MYOZ3: variants seen among roughly 807,000 people sequenced by gnomAD.
MYOZ3 encodes the protein myozenin 3, also known as myozenin-3.
Under a neutral mutation model 26.5 loss-of-function variants are expected in MYOZ3, and 19 were observed. That is an observed-to-expected ratio of 0.72 (90% CI 0.50 to 1.05). The LOEUF (loss-of-function observed/expected upper bound fraction) is 1.05. Ranked by LOEUF, MYOZ3 falls within the 50% of genes least tolerant of loss-of-function variation. The pLI is 0.00. For synonymous variants in MYOZ3, 135 were observed against 138.8 expected, an observed-to-expected ratio of 0.97 and a Z score of 0.19; for missense variants, 322 against 337.1, an observed-to-expected ratio of 0.96 and a Z score of 0.35.
At chr5:150,673,129 C>T (rs914312799) in intron 6 of MYOZ3, 1 of 152,296 alleles carries the variant, frequency 6.6e-6, no homozygotes, top group Non-Finnish European at 1.5e-5. Flanking sequence ...AGCGTGAGGC[C>T]TCCACGTGGA....
chr5:150,674,926 C>G (rs762362172), intron 6 of MYOZ3, among the ~76,000 whole-genome samples: 4 of 152,182 alleles, frequency 2.6e-5, no homozygotes, highest in Non-Finnish European at 5.9e-5. Flanking sequence ...GGGAGAATCG[C>G]TTGAACCTGG....
rs778955465 is a variant in MYOZ3, at chr5:150,671,806, A to T, written c.322A>T (p.Ile108Phe). 6.2e-7 allele frequency: 1 copy of T among 1,612,762 alleles called. No homozygotes were observed. The highest frequency in any genetic ancestry group is 1.1e-5 in the South Asian group (1 of 91,078). ...EGPNYRSELH[I>F]FPASPGASLG... The stretch of plus-strand genomic sequence containing the variant: ...GCCGAACTACCGCTCGGAGCTCCAC[A>T]TCTTCCCGGCCTCACCCGGGGCCTC... The change falls in exon 5 of 7, where the codon ATC (isoleucine) becomes TTC (phenylalanine). Residue 108 changes from isoleucine (I) to phenylalanine (F), a missense_variant. Ile to Phe is a conservative substitution (Grantham distance 21, BLOSUM62 0). Coordinates refer to ENST00000517768, the MANE Select transcript of MYOZ3 (RefSeq NM_001122853.3).
intron 2 of MYOZ3, among the ~76,000 whole-genome samples, chr5:150,667,765 G>A (rs1758832065): frequency 6.6e-6 from 1 of 151,992 alleles, no homozygotes; most frequent in Admixed American, 6.6e-5. Flanking sequence ...CATTTTATTA[G>A]TCAATTTCCA....
At position 150,672,492 on chromosome 5, in the gene MYOZ3, A is replaced by G. The variant is rs756179358; in HGVS notation, c.577A>G (p.Asn193Asp). ...CACCCCCAGCCCCAACGACTACCGA[A>G]ATTTCAACAAGTAAGGCGGGGCGGG... ...SHTPSPNDYR[N>D]FNKTPVPFGG... Residue 193 changes from asparagine to aspartate, a missense_variant, in exon 6 of 7, where the codon AAT becomes GAT. Transcript: ENST00000517768. The G allele has an allele frequency of 2.5e-6, 4 of 1,569,428 alleles. No homozygotes were observed. Among genetic ancestry groups the G allele is most frequent in the Non-Finnish European group, 3.5e-6 (4 of 1,155,034 alleles).
chr5:150,662,859 G>A (rs1392317487), intron 1 of MYOZ3, 82 bp from the exon 2 acceptor site: 14 of 1,279,184 alleles, frequency 1.1e-5, no homozygotes, highest in Admixed American at 7.2e-5. Flanking sequence ...CAGGACTGGG[G>A]CAGGGTGAAC....
chr5:150,667,787 A>G (rs1758832304), intron 2 of MYOZ3, among the ~76,000 whole-genome samples: 1 of 152,154 alleles, frequency 6.6e-6, no homozygotes, highest in Non-Finnish European at 1.5e-5. Flanking sequence ...AGACACATAC[A>G]AGTAGGGAGT....
chr5:150,675,223 C>A (rs1007785330), intron 6 of MYOZ3, among the ~76,000 whole-genome samples: 1 of 132,162 alleles, frequency 7.6e-6, no homozygotes, highest in Non-Finnish European at 1.5e-5. Context: ...GGGGGAATGG[C>A]GTTTGTGTGT....
chr5:150,676,563 A>AAAAAT, intron 6 of MYOZ3, 144 bp from the exon 7 acceptor site: 1 of 572,720 alleles, frequency 1.7e-6, no homozygotes, highest in Non-Finnish European at 2.9e-6. Context: ...AAAAAAAAAA[A>AAAAAT]GATGTACAGA....
At chr5:150,671,935 C>T in intron 5 of MYOZ3, 27 bp downstream of exon 5, 1 of 1,499,296 alleles carries the variant, frequency 6.7e-7, no homozygotes, top group Non-Finnish European at 8.8e-7. Context: ...GGTCCCGGGA[C>T]CAGGGCTGGG....
chr5:150,663,570 T>A (rs1408976599), intron 2 of MYOZ3, among the ~76,000 whole-genome samples: 2 of 152,208 alleles, frequency 1.3e-5, no homozygotes, highest in African/African-American at 4.8e-5. Flanking sequence ...AATGAGTAAA[T>A]CATTTTTATC....
chr5:150,663,137 G>A, intron 2 of MYOZ3, 135 bp downstream of exon 2: 1 of 690,320 alleles, frequency 1.4e-6, no homozygotes, highest in Non-Finnish European at 2.3e-6. Flanking sequence ...GGGAGTGCCT[G>A]TAGAATTTGC....
intron 6 of MYOZ3, among the ~76,000 whole-genome samples, chr5:150,674,485 G>A (rs914958219): frequency 2.0e-5 from 3 of 152,224 alleles, no homozygotes; most frequent in Admixed American, 6.5e-5. Context: ...CCCAGTCAAG[G>A]GCCTGACTGT....
chr5:150,676,273 C>G lies in MYOZ3; in HGVS notation c.588-434C>G, dbSNP rs116863447. Among the ~76,000 whole-genome samples, 245 of 152,178 alleles carry G rather than the reference C, an allele frequency of 1.6e-3. 5 individuals are homozygous for G. In the East Asian group the frequency reaches 0.039, roughly 24 times the overall value. On this transcript the variant is annotated intron_variant, in intron 6 of 6. Transcript: ENST00000517768. ...TTAAGATGTACAGAATTGCTGGGTG[C>G]GGTGGCTCACGCCTGTAATCCCAGC...
chr5:150,664,513 G>T (rs1046035948), intron 2 of MYOZ3, among the ~76,000 whole-genome samples: 2 of 152,110 alleles, frequency 1.3e-5, no homozygotes, highest in Non-Finnish European at 2.9e-5. Context: ...CCTAAAGACG[G>T]CCACTGTAAA....
In MYOZ3 at chr5:150,672,354, C is replaced by T. The variant is rs763890551; in HGVS notation, c.439C>T (p.Leu147=). Residue 147 remains leucine, a synonymous_variant, in exon 6 of 7, where the codon CTG becomes TTG. Transcript: ENST00000517768. ...SALAPGYAEP[L]KGVPPEKFNH... ...CGCGCCCCTAGGCTATGCGGAGCCG[C>T]TGAAGGGCGTCCCGCCAGAGAAGTT... 4 of 1,608,780 alleles carry T rather than the reference C, an allele frequency of 2.5e-6. No individual in the cohort carries two copies. The South Asian group carries it at 4.4e-5, about 18-fold the overall frequency.
intron 1 of MYOZ3, among the ~76,000 whole-genome samples, chr5:150,662,092 T>G (rs908115409): frequency 1.3e-5 from 2 of 152,118 alleles, no homozygotes; most frequent in Non-Finnish European, 2.9e-5. Context: ...GGGATACAGA[T>G]GAAGGCAGAT....
At chr5:150,676,016 T>G (rs947399001) in intron 6 of MYOZ3, among the ~76,000 whole-genome samples, 1 of 152,232 alleles carries the variant, frequency 6.6e-6, no homozygotes, top group African/African-American at 2.4e-5. Flanking sequence ...GGAGGAGAAA[T>G]GGCATATCTG....
chr5:150,672,333 C>T lies in MYOZ3; in HGVS notation c.425-7C>T. On this transcript the variant is annotated splice_polypyrimidine_tract_variant and splice_region_variant and intron_variant, in intron 5 of 6. Transcript: ENST00000517768. Reference sequence around the variant, plus strand: ...ACGGAGGCGCTCCCTTCCCCCCGCGCCCCTAGGCTATGCGGAGCCGCTGAA... The same window carrying T: ...ACGGAGGCGCTCCCTTCCCCCCGCGTCCCTAGGCTATGCGGAGCCGCTGAA... 6.3e-7 allele frequency: 1 copy of T among 1,596,770 alleles called. No individual in the cohort carries two copies. The highest frequency in any genetic ancestry group is 1.3e-5 in the African/African-American group (1 of 74,896).
intron 1 of MYOZ3, among the ~76,000 whole-genome samples, chr5:150,662,661 C>G (rs1168105527): frequency 6.6e-6 from 1 of 152,190 alleles, no homozygotes; most frequent in African/African-American, 2.4e-5. Context: ...GATGCCAGAG[C>G]TGGGAAAAGG....
Sources: allele counts gnomAD v4.1 joint callset (sites outside exome capture counted in the v4.1 genomes callset), GRCh38; gene constraint gnomAD v4.1.1; transcripts MANE v1.5; gene names NCBI Gene and HGNC (gene_info 2026-07-23, HGNC 2026-07-21).